PKNOX2: variants seen among roughly 807,000 people sequenced by gnomAD.
PKNOX2 encodes the protein homeobox protein PKNOX2.
A neutral mutation model predicts 53.1 loss-of-function variants in PKNOX2; 14 were observed. The ratio of observed to expected loss-of-function variants is 0.26; its 90% CI spans 0.17 to 0.41. PKNOX2 has a LOEUF of 0.41. Among genes scored for constraint, PKNOX2 ranks in the 10% least tolerant of loss-of-function variants. The pLI, the probability that PKNOX2 is intolerant of heterozygous loss-of-function variation, is 1.00. For missense variants in PKNOX2, 496 were observed against 602.8 expected (o/e 0.82, Z 1.85); for synonymous variants, 257 against 242.8 (o/e 1.06, Z -0.54).
intron 2 of PKNOX2, among the ~76,000 whole-genome samples, chr11:125,302,170 A>G (rs1338369715): frequency 6.6e-6 from 1 of 152,130 alleles, no homozygotes; most frequent in Non-Finnish European, 1.5e-5. Context: ...GCCTGGAAGG[A>G]TGAGTGGACT....
chr11:125,367,775 C>G lies in PKNOX2; in HGVS notation c.88-71C>G, dbSNP rs565944135. 7 of 1,530,820 alleles carry G rather than the reference C, an allele frequency of 4.6e-6. No homozygotes were observed. In the East Asian group the frequency reaches 1.4e-4, roughly 31 times the overall value. 94.8% of individuals were successfully genotyped at this position (1,530,820 alleles called of 1,614,324 possible). A position where few individuals can be genotyped will look rare whatever the true frequency, so the allele number is the denominator to read the frequency against. ...GGGCACAGCACAGGCCAAGGCGGAC[C>G]TCACACTACAGCCTGGAGACCAGCA... is the stretch of plus-strand genomic sequence containing the variant. On this transcript the variant is annotated intron_variant, in intron 4 of 12. Transcript: ENST00000298282.
chr11:125,183,963 C>A (rs549085545), intron 1 of PKNOX2, among the ~76,000 whole-genome samples: 1 of 152,178 alleles, frequency 6.6e-6, no homozygotes, highest in Non-Finnish European at 1.5e-5. Context: ...GTGGACCCTC[C>A]ATTTGCCTCA....
At chr11:125,221,161 AAC>A (rs1941110876) in intron 1 of PKNOX2, among the ~76,000 whole-genome samples, 1 of 151,258 alleles carries the variant, frequency 6.6e-6, no homozygotes, top group African/African-American at 2.5e-5. Flanking sequence ...TCTAAAAAAA[AAC>A]AAAACAAAAA....
At chr11:125,174,333 C>T (rs1955543410) in intron 1 of PKNOX2, among the ~76,000 whole-genome samples, 1 of 152,202 alleles carries the variant, frequency 6.6e-6, no homozygotes, top group Admixed American at 6.5e-5. Flanking sequence ...ACTCAGTGGC[C>T]TCATCCTCTA....
chr11:125,249,419 A>T (rs1298852096), intron 2 of PKNOX2, among the ~76,000 whole-genome samples: 1 of 152,216 alleles, frequency 6.6e-6, no homozygotes. Flanking sequence ...GAATTCAATC[A>T]ACAGCAGATG....
At chr11:125,269,744 C>T (rs1268554161) in intron 2 of PKNOX2, among the ~76,000 whole-genome samples, 3 of 152,174 alleles carry the variant, frequency 2.0e-5, no homozygotes, top group African/African-American at 7.2e-5. Context: ...TCTTCAAGTG[C>T]ACTTGGTAGC....
chr11:125,277,909 C>A (rs1035276318), intron 2 of PKNOX2, among the ~76,000 whole-genome samples: 2 of 152,064 alleles, frequency 1.3e-5, no homozygotes, highest in African/African-American at 4.8e-5. Context: ...TATTATGTAT[C>A]AGTGCAATTT....
intron 1 of PKNOX2, among the ~76,000 whole-genome samples, chr11:125,214,097 A>T (rs1940203569): frequency 6.6e-6 from 1 of 152,126 alleles, no homozygotes; most frequent in South Asian, 2.1e-4. Context: ...CTTGCCCAAG[A>T]TCACAAAGTT....
chr11:125,392,502 A>C (rs1044898375), intron 6 of PKNOX2, among the ~76,000 whole-genome samples: 3 of 152,248 alleles, frequency 2.0e-5, no homozygotes, highest in Non-Finnish European at 2.9e-5. Context: ...CAATTCCATT[A>C]GCCCATAAAA....
At chr11:125,338,941 G>A (rs976213577) in intron 3 of PKNOX2, among the ~76,000 whole-genome samples, 18 of 152,180 alleles carry the variant, frequency 1.2e-4, no homozygotes, top group Non-Finnish European at 1.9e-4. Flanking sequence ...GTTGCGTTGC[G>A]CAAGTCAGAA....
intron 2 of PKNOX2, among the ~76,000 whole-genome samples, chr11:125,289,309 C>T (rs1043726165): frequency 6.6e-6 from 1 of 152,220 alleles, no homozygotes; most frequent in African/African-American, 2.4e-5. Context: ...ATACTGCTCT[C>T]TTCCCACCTC....
chr11:125,386,341 G>A (rs564664001), intron 6 of PKNOX2, among the ~76,000 whole-genome samples: 1 of 152,272 alleles, frequency 6.6e-6, no homozygotes, highest in East Asian at 1.9e-4. Context: ...AGTTTGGTGG[G>A]AGCCTGTGAA....
chr11:125,259,650 A>C (rs2135723399), intron 2 of PKNOX2, among the ~76,000 whole-genome samples: 1 of 152,224 alleles, frequency 6.6e-6, no homozygotes, highest in East Asian at 1.9e-4. Flanking sequence ...CATCCTTGGC[A>C]TGTCTTCCTT....
At chr11:125,354,587 C>T (rs1040697584) in intron 4 of PKNOX2, among the ~76,000 whole-genome samples, 2 of 152,146 alleles carry the variant, frequency 1.3e-5, no homozygotes, top group Non-Finnish European at 2.9e-5. Flanking sequence ...CTAGCAATAC[C>T]GAGCATAATC....
chr11:125,339,217 C>T (rs923485778), intron 3 of PKNOX2, among the ~76,000 whole-genome samples: 24 of 152,194 alleles, frequency 1.6e-4, no homozygotes, highest in African/African-American at 5.5e-4. Flanking sequence ...AGCTGCCTGC[C>T]TCAGAGGATG....
At position 125,287,506 on chromosome 11, in the gene PKNOX2, C is replaced by T. The variant is rs189457231; in HGVS notation, c.-129-44313C>T. ...AGCCTGACTCCTCTGTCCCATGTGG[C>T]GGGGAGGAAGGGGTGTCTAGGGCCT... On this transcript the variant is annotated intron_variant, in intron 2 of 12. Transcript: ENST00000298282. 2.8e-3 allele frequency among the ~76,000 whole-genome samples: 431 copies of T among 152,250 alleles called. 1 individual carries two copies. The highest frequency in any genetic ancestry group is 5.1e-3 in the Non-Finnish European group (344 of 68,012).
At chr11:125,246,512 C>G (rs1020535249) in intron 2 of PKNOX2, among the ~76,000 whole-genome samples, 4 of 152,196 alleles carry the variant, frequency 2.6e-5, no homozygotes, top group Non-Finnish European at 5.9e-5. Flanking sequence ...CTGCCTTCCC[C>G]TTCCCCGGTT....
chr11:125,186,936 C>A (rs2135311449), intron 1 of PKNOX2, among the ~76,000 whole-genome samples: 1 of 152,288 alleles, frequency 6.6e-6, no homozygotes, highest in African/African-American at 2.4e-5. Context: ...GTATGGAAAT[C>A]AGTTTTCTCA....
At chr11:125,183,241 A>G in intron 1 of PKNOX2, among the ~76,000 whole-genome samples, 1 of 43,546 alleles carries the variant, frequency 2.3e-5, no homozygotes, top group Non-Finnish European at 4.9e-5. Flanking sequence ...ACGGAGTCTC[A>G]CTCTGTCGCC....
Sources: gnomAD v4.1 joint callset for allele counts (sites outside exome capture counted in the v4.1 genomes callset) on GRCh38, gnomAD v4.1.1 for gene constraint, MANE v1.5 for transcripts, NCBI Gene and HGNC (gene_info 2026-07-23, HGNC 2026-07-21) for gene names.